COG5: variants seen among roughly 807,000 people sequenced by gnomAD.
COG5 encodes the protein component of oligomeric golgi complex 5.
Under a neutral mutation model 110.4 loss-of-function variants are expected in COG5, and 86 were observed. The observed-to-expected ratio is 0.78, with a 90% CI of 0.65 to 0.93. The LOEUF is 0.93. COG5 is among the 40% of genes least tolerant of loss of function. The pLI is 0.00. For synonymous variants in COG5, 360 were observed against 334.6 expected, an observed-to-expected ratio of 1.08 and a Z score of -0.83; for missense variants, 1,077 against 987.0, an observed-to-expected ratio of 1.09 and a Z score of -1.22.
intron 6 of COG5, among the ~76,000 whole-genome samples, chr7:107,437,092 C>T (rs559174184): frequency 1.1e-4 from 17 of 152,200 alleles, no homozygotes; most frequent in South Asian, 6.2e-4. Context: ...ATTTAATGAG[C>T]CTCAGTTTAT....
chr7:107,540,908 T>C (rs1309350936), intron 5 of COG5, among the ~76,000 whole-genome samples: 1 of 152,112 alleles, frequency 6.6e-6, no homozygotes, highest in African/African-American at 2.4e-5. Context: ...CCCAGCACTT[T>C]GGGAGGCTGA....
intron 14 of COG5, among the ~76,000 whole-genome samples, chr7:107,267,290 C>T (rs925382647): frequency 6.6e-6 from 1 of 152,170 alleles, no homozygotes; most frequent in Non-Finnish European, 1.5e-5. Context: ...GGATAAGAAA[C>T]GCAAACACAA....
At chr7:107,370,689 G>C (rs950871622) in intron 8 of COG5, among the ~76,000 whole-genome samples, 1 of 150,692 alleles carries the variant, frequency 6.6e-6, no homozygotes, top group Admixed American at 6.6e-5. Flanking sequence ...AGGAGGCTGA[G>C]ACAGGCGAAT....
At chr7:107,313,031 G>C (rs2117005559) in intron 11 of COG5, among the ~76,000 whole-genome samples, 1 of 152,234 alleles carries the variant, frequency 6.6e-6, no homozygotes, top group Non-Finnish European at 1.5e-5. Flanking sequence ...CCATTTGTGA[G>C]GCTTAGGAAA....
chr7:107,516,966 C>T (rs1563078220), intron 6 of COG5, among the ~76,000 whole-genome samples: 1 of 152,160 alleles, frequency 6.6e-6, no homozygotes, highest in East Asian at 1.9e-4. Flanking sequence ...ATGATCGCAA[C>T]AGCTCTCCAG....
At chr7:107,539,538 C>T (rs1468308205) in intron 5 of COG5, among the ~76,000 whole-genome samples, 4 of 152,032 alleles carry the variant, frequency 2.6e-5, no homozygotes, top group Non-Finnish European at 5.9e-5. Context: ...GAGAGCTTGG[C>T]GTAGAGAAGT....
Position 107,260,075 on chromosome 7 carries a change from G to GATATATAT in COG5, c.1576-1700_1576-1693dup, listed in dbSNP as rs143875588. ...GTGACACAGCAGTTCAACTCCTAGT[G>GATATATAT]ATATATATATATATATATGAAATAA... On this transcript the variant is annotated intron_variant, in intron 14 of 21. Transcript: ENST00000297135. Among the ~76,000 whole-genome samples the GATATATAT allele has an allele frequency of 5.4e-4, 71 of 131,556 alleles. 2 individuals are homozygous for GATATATAT. The highest frequency in any genetic ancestry group is 1.5e-3 in the East Asian group (7 of 4,692). The allele number at this position is 131,556 out of a possible 152,430, so 86.3% of individuals were successfully genotyped here.
At chr7:107,433,781 A>C (rs961741932) in intron 6 of COG5, among the ~76,000 whole-genome samples, 5 of 152,204 alleles carry the variant, frequency 3.3e-5, no homozygotes, top group South Asian at 2.1e-4. Flanking sequence ...TCACATATTG[A>C]CACCAAATCA....
chr7:107,359,326 C>T (rs1389961351), intron 10 of COG5, among the ~76,000 whole-genome samples: 1 of 152,214 alleles, frequency 6.6e-6, no homozygotes. Context: ...AGCACACCAG[C>T]CCTCTGCCAC....
At chr7:107,562,245 G>A (rs758577622) in intron 1 of COG5, among the ~76,000 whole-genome samples, 3 of 152,188 alleles carry the variant, frequency 2.0e-5, no homozygotes, top group Non-Finnish European at 4.4e-5. Context: ...GAGAACCAAG[G>A]AGGAAAATAC....
intron 6 of COG5, among the ~76,000 whole-genome samples, chr7:107,487,255 A>G (rs573184478): frequency 6.6e-6 from 1 of 152,310 alleles, no homozygotes; most frequent in African/African-American, 2.4e-5. Flanking sequence ...TAACTCATCA[A>G]TGAAAAAGAA....
chr7:107,465,138 G>A (rs893166103), intron 6 of COG5, among the ~76,000 whole-genome samples: 1 of 152,064 alleles, frequency 6.6e-6, no homozygotes, highest in Non-Finnish European at 1.5e-5. Flanking sequence ...GTACAAGAAG[G>A]CAAGAATATA....
At chr7:107,517,784 G>C (rs910580574) in intron 6 of COG5, among the ~76,000 whole-genome samples, 1 of 150,866 alleles carries the variant, frequency 6.6e-6, no homozygotes, top group Non-Finnish European at 1.5e-5. Context: ...CACAACCTCT[G>C]CCTCCCAGGT....
rs369049736 is a variant in COG5, at chr7:107,373,407, A to T, written c.670-647T>A. On this transcript the variant is annotated intron_variant, in intron 7 of 21. Transcript: ENST00000297135. Reference sequence around the variant, plus strand: ...AAAACGTGAAGTAGGGAATAAGAATAGAGTATGATGGGAATTATTATACAG... The same window carrying T: ...AAAACGTGAAGTAGGGAATAAGAATTGAGTATGATGGGAATTATTATACAG... Among the ~76,000 whole-genome samples the T allele has an allele frequency of 3.3e-5, 5 of 152,210 alleles. No homozygotes were observed. In the East Asian group the frequency reaches 7.7e-4, roughly 23 times the overall value.
rs781258339 is a variant in COG5 at position 107,236,473 on chromosome 7, G to A, written c.2068C>T (p.Arg690Ter). The A allele has an allele frequency of 4.6e-5, 75 of 1,613,678 alleles. No homozygotes were observed. The highest frequency in any genetic ancestry group is 5.6e-5 in the Non-Finnish European group (66 of 1,179,740). ...IRPLGEGGKM[R>*]LAADFAQMEL... The stretch of plus-strand genomic sequence containing the variant: ...ACCTGTGCAAAATCAGCAGCAAGTC[G>A]CATTTTCCCACCTTCACCAAGAGGT... The change falls in exon 18 of 22, where the codon CGA (arginine) becomes TGA (stop). Residue 690 changes from arginine (R) to a stop codon, truncating the protein, a stop_gained. Coordinates refer to ENST00000297135, the MANE Select transcript of COG5 (RefSeq NM_006348.5). LOFTEE classifies it high-confidence loss of function.
chr7:107,420,694 G>A (rs1172945711), intron 6 of COG5, among the ~76,000 whole-genome samples: 2 of 151,996 alleles, frequency 1.3e-5, no homozygotes, highest in African/African-American at 4.8e-5. Context: ...ATCTCCTGAC[G>A]TCGTGATCCA....
intron 14 of COG5, among the ~76,000 whole-genome samples, chr7:107,279,927 C>T (rs147967473): frequency 3.7e-4 from 56 of 152,144 alleles, no homozygotes; most frequent in African/African-American, 1.3e-3. Flanking sequence ...AGCCTTTTGC[C>T]ATTACTATGT....
intron 6 of COG5, among the ~76,000 whole-genome samples, chr7:107,506,717 C>CG (rs1244237409): frequency 2.0e-5 from 3 of 152,194 alleles, no homozygotes; most frequent in African/African-American, 7.2e-5. Context: ...GCCTTCCCTG[C>CG]GGGAAAACAG....
intron 11 of COG5, among the ~76,000 whole-genome samples, chr7:107,322,385 T>C (rs929996205): frequency 2.0e-5 from 3 of 152,228 alleles, no homozygotes; most frequent in African/African-American, 2.4e-5. Flanking sequence ...ACCTTGATGT[T>C]GGACTTGCCA....
Sources: gnomAD v4.1 joint callset for allele counts (sites outside exome capture counted in the v4.1 genomes callset) on GRCh38, gnomAD v4.1.1 for gene constraint, MANE v1.5 for transcripts, NCBI Gene and HGNC (gene_info 2026-07-23, HGNC 2026-07-21) for gene names.